The following ZNF8 variants were observed in gnomAD, a reference collection of about 807,000 sequenced individuals.
ZNF8 encodes the protein zinc finger protein 8, also known as zinc finger protein 272.
In ZNF8, 9 loss-of-function variants were observed where a neutral mutation model predicts 12.2. The observed-to-expected ratio is 0.73, with a 90% CI of 0.44 to 1.28. The LOEUF is 1.28. ZNF8 is among the 50% of genes most tolerant of loss of function. The pLI, the probability that ZNF8 is intolerant of heterozygous loss-of-function variation, is 0.00. For synonymous variants in ZNF8, 274 were observed against 282.3 expected (o/e 0.97, Z 0.30); for missense variants, 664 against 729.1 (o/e 0.91, Z 1.03).
Position 58,295,248 on chromosome 19 carries a change from T to A in ZNF8, c.1440T>A (p.Ser480=). The change falls in exon 4 of 4, where the codon TCT becomes TCA. Residue 480 remains serine, a synonymous_variant. Coordinates refer to ENST00000621650, the MANE Select transcript of ZNF8 (RefSeq NM_021089.3). The part of the protein sequence containing the change: ...NQCGKCFIQS[S]HLIRHQITHT... ...GTGGGAAGTGTTTCATTCAGAGCTC[T>A]CACCTCATCCGGCACCAGATAACTC... The A allele has an allele frequency of 6.2e-7, 1 of 1,614,170 alleles. No individual in the cohort carries two copies. The highest frequency in any genetic ancestry group is 8.5e-7 in the Non-Finnish European group (1 of 1,180,032).
intron 1 of ZNF8, chr19:58,280,654 C>T (rs2051345184): frequency 6.6e-6 from 1 of 152,256 alleles, no homozygotes; most frequent in African/African-American, 2.4e-5. Context: ...TAACAATTCA[C>T]TACAAATTTT....
At chr19:58,279,696 G>T (rs1289168057) in intron 1 of ZNF8, 1 of 1,528,404 alleles carries the variant, frequency 6.5e-7, no homozygotes, top group African/African-American at 1.4e-5. Flanking sequence ...CACCAGGGTC[G>T]TCCCCTGCGA....
intron 1 of ZNF8, chr19:58,280,755 TCCCTA>T (rs1156561118): frequency 6.6e-6 from 1 of 152,260 alleles, no homozygotes; most frequent in Non-Finnish European, 1.5e-5. Context: ...AGAGCTACCC[TCCCTA>T]CCAAGGTTCT....
At position 58,301,989 on chromosome 19, in the gene ZNF8, C is replaced by T. The variant is rs1439325727; in HGVS notation, c.*6453C>T. 7.2e-5 allele frequency: 11 copies of T among 152,098 alleles called. No homozygotes were observed. The highest frequency in any genetic ancestry group is 2.4e-4 in the African/African-American group (10 of 41,422). 9.4% of individuals were successfully genotyped at this position (152,098 alleles called of 1,614,324 possible). A position where few individuals can be genotyped will look rare whatever the true frequency, so the allele number is the denominator to read the frequency against. On this transcript the variant is annotated 3_prime_UTR_variant, in exon 4 of 4. Coordinates refer to ENST00000621650, the MANE Select transcript of ZNF8 (RefSeq NM_021089.3). ...GTCCACCATGGGGAACTGGCTAAGT[C>T]ATTTATGGTGGAATGGTGATCATAA...
Position 58,286,302 on chromosome 19 carries a change from A to G in ZNF8, c.289+97A>G. On this transcript the variant is annotated intron_variant, in intron 3 of 3. Coordinates refer to ENST00000621650, the MANE Select transcript of ZNF8 (RefSeq NM_021089.3). ...AGGGTGGTGGTTGGTGGTCCTGAAG[A>G]CCACCCCATTCACTAGGAGTATACA... 8.1e-6 allele frequency: 8 copies of G among 990,150 alleles called. No homozygotes were observed. In the South Asian group the frequency reaches 8.6e-5, roughly 11 times the overall value. The allele number at this position is 990,150 out of a possible 1,614,324, so 61.3% of individuals were successfully genotyped here.
At position 58,294,259 on chromosome 19, in the gene ZNF8, A is replaced by G. The variant is rs1366168116; in HGVS notation, c.451A>G (p.Lys151Glu). 1 of 1,614,126 alleles carries G rather than the reference A, an allele frequency of 6.2e-7. No homozygotes were observed. The highest frequency in any genetic ancestry group is 1.1e-5 in the South Asian group (1 of 91,086). ...RECQSQSLALKEQNNLKQLEF... is the reference protein window; with the variant it reads ...RECQSQSLALEEQNNLKQLEF... Reference sequence around the variant, plus strand: ...GTGTCAGAGCCAGAGTCTGGCACTCAAGGAGCAGAATAACTTGAAGCAGTT... The same window carrying G: ...GTGTCAGAGCCAGAGTCTGGCACTCGAGGAGCAGAATAACTTGAAGCAGTT... The change falls in exon 4 of 4, where the codon AAG becomes GAG. Residue 151 changes from lysine to glutamate, a missense_variant. Physicochemically the swap from Lys to Glu is moderately conservative, Grantham distance 56. Coordinates refer to ENST00000621650, the MANE Select transcript of ZNF8 (RefSeq NM_021089.3). This position sits in a 1 kb window ranked among gnomAD's most constrained non-coding sequence, Gnocchi z 5.5.
chr19:58,286,997 C>T (rs2147956266), intron 3 of ZNF8, among the ~76,000 whole-genome samples: 1 of 152,248 alleles, frequency 6.6e-6, no homozygotes, highest in Admixed American at 6.5e-5. Flanking sequence ...TGTGAACCTG[C>T]CCTTCATCTT....
intron 3 of ZNF8, among the ~76,000 whole-genome samples, chr19:58,290,131 T>TTTTG (rs1260892347): frequency 6.9e-6 from 1 of 145,956 alleles, no homozygotes. Context: ...TTTTTTTTTT[T>TTTTG]GAGACGGAGT....
intron 1 of ZNF8, among the ~76,000 whole-genome samples, chr19:58,284,827 T>A (rs2051372944): frequency 5.3e-5 from 8 of 152,172 alleles, no homozygotes. Flanking sequence ...CCAGCCTGGG[T>A]GACAGAGCAA....
At chr19:58,283,672 T>C (rs1325158739) in intron 1 of ZNF8, among the ~76,000 whole-genome samples, 2 of 146,998 alleles carry the variant, frequency 1.4e-5, no homozygotes, top group East Asian at 4.1e-4. Context: ...CAATCTTGAC[T>C]CACTGCAAGC....
chr19:58,279,329 A>G (rs2147951868), intron 1 of ZNF8, 182 bp downstream of exon 1: 1 of 1,483,366 alleles, frequency 6.7e-7, no homozygotes, highest in Non-Finnish European at 9.0e-7. Context: ...GGGGGCCGGG[A>G]TTCCAACCAG....
chr19:58,288,538 C>T (rs1204684622), intron 3 of ZNF8, among the ~76,000 whole-genome samples: 1 of 152,156 alleles, frequency 6.6e-6, no homozygotes, highest in Non-Finnish European at 1.5e-5. Context: ...TAGGTCACCT[C>T]CTCTTGCACT....
Position 58,293,507 on chromosome 19 carries a change from C to T in ZNF8, c.290-591C>T, listed in dbSNP as rs187960614. On this transcript the variant is annotated intron_variant, in intron 3 of 3. Transcript: ENST00000621650. ...GTCAGGACAAGAGCAGATGAGGGGG[C>T]TTGAAGAGGGCTTGGGGAAAGCGGG... Among the ~76,000 whole-genome samples, 210 of 152,248 alleles carry T rather than the reference C, an allele frequency of 1.4e-3. 2 individuals carry two copies. The highest frequency in any genetic ancestry group is 4.9e-3 in the African/African-American group (203 of 41,546).
At chr19:58,287,056 T>C (rs1185973420) in intron 3 of ZNF8, among the ~76,000 whole-genome samples, 1 of 152,232 alleles carries the variant, frequency 6.6e-6, no homozygotes, top group Admixed American at 6.5e-5. Flanking sequence ...TGTTTTGTTT[T>C]TAAGACAGGG....
At chr19:58,284,600 G>A (rs1160086454) in intron 1 of ZNF8, among the ~76,000 whole-genome samples, 1 of 152,216 alleles carries the variant, frequency 6.6e-6, no homozygotes, top group Non-Finnish European at 1.5e-5. Flanking sequence ...TGTAATCCCA[G>A]CACTTTGGGA....
chr19:58,293,293 C>A (rs1290953249), intron 3 of ZNF8, among the ~76,000 whole-genome samples: 1 of 152,086 alleles, frequency 6.6e-6, no homozygotes, highest in Non-Finnish European at 1.5e-5. Flanking sequence ...GGCACCTGGC[C>A]AGCCTCAGCT....
rs746930557 is a variant in ZNF8, at chr19:58,294,771, T to G, written c.963T>G (p.Ser321=). 1 of 1,614,124 alleles carries G rather than the reference T, an allele frequency of 6.2e-7. No homozygotes were observed. Among genetic ancestry groups the G allele is most frequent in the Non-Finnish European group, 8.5e-7 (1 of 1,180,030 alleles). ...KPYKCAECGK[S]FCHSTHLTVH... is the part of the protein sequence containing the mutation. ...ACAAGTGTGCCGAATGTGGGAAGTC[T>G]TTCTGCCATAGTACACACCTTACCG... Residue 321 remains serine (S), a synonymous_variant, in exon 4 of 4, where the codon TCT becomes TCG. Transcript: ENST00000621650. This position sits in a 1 kb window ranked among gnomAD's most constrained non-coding sequence, Gnocchi z 5.5.
In ZNF8 at chr19:58,295,507, A is replaced by G. The variant is rs779309983; in HGVS notation, c.1699A>G (p.Met567Val). The G allele has an allele frequency of 1.2e-5, 19 of 1,604,662 alleles. No individual in the cohort carries two copies. In the South Asian group the frequency reaches 1.7e-4, roughly 14 times the overall value. Residue 567 changes from methionine to valine, a missense_variant, in exon 4 of 4, where the codon ATG becomes GTG. By Grantham distance (21) the Met-to-Val change is conservative. Coordinates refer to ENST00000621650, the MANE Select transcript of ZNF8 (RefSeq NM_021089.3). ...GGAAGAGCCTTCTGTGGGTGCTTCC[A>G]TGTTATTTGACATCAGAGAATCCAC... is the stretch of plus-strand genomic sequence containing the variant. ...GVEEPSVGAS[M>V]LFDIREST
chr19:58,294,917 C>T lies in ZNF8; in HGVS notation c.1109C>T (p.Thr370Ile). Reference sequence around the variant, plus strand: ...ACACACACTGGGGAGAAGCCATACACCTGCAGTGTGTGTGGGAAATCCTTC... The same window carrying T: ...ACACACACTGGGGAGAAGCCATACATCTGCAGTGTGTGTGGGAAATCCTTC... ...KRTHTGEKPY[T>I]CSVCGKSFSR... Residue 370 changes from threonine (T) to isoleucine (I), a missense_variant, in exon 4 of 4, where the codon ACC (threonine) becomes ATC (isoleucine). By Grantham distance (89) the Thr-to-Ile change is moderately conservative. Around this residue, in one of 3 missense-constraint regions of ZNF8, gnomAD observed 133 missense variants for 198.4 expected, o/e 0.67. Transcript: ENST00000621650. This position sits in a 1 kb window ranked among gnomAD's most constrained non-coding sequence, Gnocchi z 5.5. The T allele has an allele frequency of 6.2e-7, 1 of 1,614,052 alleles. No homozygotes were observed. Among genetic ancestry groups the T allele is most frequent in the East Asian group, 2.2e-5 (1 of 44,886 alleles).
Sources: gnomAD v4.1 joint callset for allele counts (sites outside exome capture counted in the v4.1 genomes callset) on GRCh38, gnomAD v4.1.1 for gene constraint, gnomAD v4.1.1 regional missense constraint, Gnocchi (gnomAD v3.1) non-coding constraint, MANE v1.5 for transcripts, NCBI Gene and HGNC (gene_info 2026-07-23, HGNC 2026-07-21) for gene names.